Variants in CDH18 observed in about 807,000 individuals in gnomAD.
CDH18 encodes the protein cadherin-18.
In CDH18, 31 loss-of-function variants were observed where a neutral mutation model predicts 67.9. The observed-to-expected ratio is 0.46, with a 90% CI of 0.34 to 0.62. The LOEUF (loss-of-function observed/expected upper bound fraction) is 0.62, where lower values mean the gene tolerates loss of function less well. Ranked by LOEUF, CDH18 falls within the 20% of genes least tolerant of loss-of-function variation. The pLI is 0.01. For synonymous variants in CDH18, 362 were observed against 347.2 expected, an observed-to-expected ratio of 1.04 and a Z score of -0.48; for missense variants, 890 against 975.5, an observed-to-expected ratio of 0.91 and a Z score of 1.17.
At chr5:19,712,427 G>T (rs985774821) in intron 5 of CDH18, among the ~76,000 whole-genome samples, 1 of 151,952 alleles carries the variant, frequency 6.6e-6, no homozygotes, top group African/African-American at 2.4e-5. Context: ...GAGAAGAAAT[G>T]CCATATGAAC....
chr5:19,899,977 A>G (rs1005679491), intron 2 of CDH18, among the ~76,000 whole-genome samples: 1 of 152,154 alleles, frequency 6.6e-6, no homozygotes, highest in Non-Finnish European at 1.5e-5. Context: ...CAAAATTTCA[A>G]TTACGCAAGA....
intron 1 of CDH18, among the ~76,000 whole-genome samples, chr5:20,538,359 A>G (rs1397829305): frequency 6.6e-6 from 1 of 152,144 alleles, no homozygotes; most frequent in Non-Finnish European, 1.5e-5. Context: ...ATAAATGGTG[A>G]TTTCATCTAT....
intron 1 of CDH18, among the ~76,000 whole-genome samples, chr5:20,372,838 T>A (rs1743114351): frequency 6.6e-6 from 1 of 152,284 alleles, no homozygotes; most frequent in South Asian, 2.1e-4. Context: ...GGATATTTTT[T>A]ATTTTTTTTT....
intron 2 of CDH18, among the ~76,000 whole-genome samples, chr5:19,847,806 G>A (rs1363051329): frequency 6.6e-6 from 1 of 151,934 alleles, no homozygotes; most frequent in Non-Finnish European, 1.5e-5. Flanking sequence ...ACTTATGTGT[G>A]TATATTCCTA....
intron 2 of CDH18, among the ~76,000 whole-genome samples, chr5:20,057,675 C>T (rs1256084214): frequency 3.3e-5 from 5 of 152,086 alleles, no homozygotes; most frequent in African/African-American, 1.2e-4. Context: ...CATCTTAGGT[C>T]TAAGCAAAGA....
chr5:20,250,834 G>A (rs1743803764), intron 2 of CDH18, among the ~76,000 whole-genome samples: 1 of 151,458 alleles, frequency 6.6e-6, no homozygotes, highest in East Asian at 2.0e-4. Context: ...TCCACCTCCT[G>A]GCCTCAAGTG....
At chr5:20,428,653 G>C (rs1013913809) in intron 1 of CDH18, among the ~76,000 whole-genome samples, 1 of 152,100 alleles carries the variant, frequency 6.6e-6, no homozygotes, top group African/African-American at 2.4e-5. Context: ...GCGTGAGATG[G>C]TATCTCGTCG....
chr5:20,471,980 A>ATTATCAAGATTTAATCCCTT lies in CDH18; in HGVS notation c.-580+103481_-580+103482insAAGGGATTAAATCTTGATAA, dbSNP rs143335601. 5.3e-5 allele frequency among the ~76,000 whole-genome samples: 8 copies of ATTATCAAGATTTAATCCCTT among 152,024 alleles called. No homozygotes were observed. The South Asian group carries it at 6.3e-4, about 12-fold the overall frequency. ...TAACTTGGCTTCTCTGCTCCAAAAT[A>ATTATCAAGATTTAATCCCTT]AATTCACTGAACTGAATTGAAGTTT... On this transcript the variant is annotated intron_variant, in intron 1 of 14. Coordinates refer to the CDH18 transcript ENST00000507958.
chr5:19,788,018 T>G (rs1003109704), intron 3 of CDH18, among the ~76,000 whole-genome samples: 7 of 152,088 alleles, frequency 4.6e-5, no homozygotes, highest in African/African-American at 1.7e-4. Context: ...TCTTTCTCTT[T>G]CTTACTTTGT....
chr5:20,220,363 AC>A (rs1260967657), intron 2 of CDH18, among the ~76,000 whole-genome samples: 8 of 152,036 alleles, frequency 5.3e-5, no homozygotes, highest in Admixed American at 3.9e-4. Context: ...GTTGTCAAAA[AC>A]ATACTCTAGG....
chr5:20,203,021 C>T (rs933815915), intron 2 of CDH18, among the ~76,000 whole-genome samples: 6 of 152,150 alleles, frequency 3.9e-5, no homozygotes, highest in Middle Eastern at 3.4e-3. Context: ...AGAAGTAAAA[C>T]ATAACAAAAC....
chr5:19,810,534 T>A (rs1581450038), intron 3 of CDH18, among the ~76,000 whole-genome samples: 2 of 152,018 alleles, frequency 1.3e-5, no homozygotes. Context: ...GAAACGAGGA[T>A]GAAACAAGTT....
intron 2 of CDH18, among the ~76,000 whole-genome samples, chr5:20,245,742 AAACC>A (rs1175042223): frequency 6.6e-6 from 1 of 152,070 alleles, no homozygotes; most frequent in African/African-American, 2.4e-5. Context: ...TGCACAATAA[AAACC>A]TGTAGAGCAC....
intron 2 of CDH18, among the ~76,000 whole-genome samples, chr5:20,171,046 T>TA (rs1367883946): frequency 1.9e-5 from 2 of 107,366 alleles, no homozygotes; most frequent in Admixed American, 9.3e-5. Context: ...CTCCTTTTTT[T>TA]TTTATATATA....
intron 3 of CDH18, among the ~76,000 whole-genome samples, chr5:19,772,949 C>T (rs116300063): frequency 1.2e-3 from 179 of 152,134 alleles, no homozygotes; most frequent in Non-Finnish European, 2.3e-3. Flanking sequence ...ATGTATATGT[C>T]CCTTCTTAAG....
chr5:19,563,863 C>G (rs962342569), intron 8 of CDH18, among the ~76,000 whole-genome samples: 4 of 152,174 alleles, frequency 2.6e-5, no homozygotes, highest in Non-Finnish European at 5.9e-5. Flanking sequence ...CAACCCCTCC[C>G]TCATACCCTG....
intron 2 of CDH18, among the ~76,000 whole-genome samples, chr5:20,070,383 C>T (rs1008062836): frequency 9.2e-5 from 14 of 151,940 alleles, no homozygotes; most frequent in Admixed American, 7.2e-4. Flanking sequence ...TTATTGTCTG[C>T]TTTTGGTTCA....
intron 1 of CDH18, among the ~76,000 whole-genome samples, chr5:20,569,431 G>A (rs1042384237): frequency 6.6e-6 from 1 of 152,112 alleles, no homozygotes; most frequent in Non-Finnish European, 1.5e-5. Flanking sequence ...GACCAGCCTG[G>A]CCAATATGGG....
intron 2 of CDH18, among the ~76,000 whole-genome samples, chr5:20,093,244 C>A (rs1156575448): frequency 6.6e-6 from 1 of 151,974 alleles, no homozygotes; most frequent in Non-Finnish European, 1.5e-5. Context: ...CATACACACA[C>A]ACACACTCAC....
Sources: gnomAD v4.1 joint callset for allele counts (sites outside exome capture counted in the v4.1 genomes callset) on GRCh38, gnomAD v4.1.1 for gene constraint, MANE v1.5 for transcripts, NCBI Gene and HGNC (gene_info 2026-07-23, HGNC 2026-07-21) for gene names.